EEA1: variants seen among roughly 807,000 people sequenced by gnomAD.
EEA1 encodes the protein early endosome antigen 1, also known as early endosome antigen 1, 162kD.
EEA1 carries 111 observed loss-of-function variants against 209.2 expected under a neutral mutation model. The ratio of observed to expected loss-of-function variants is 0.53; its 90% CI spans 0.45 to 0.62. The LOEUF is 0.62. Among genes scored for constraint, EEA1 ranks in the 20% least tolerant of loss-of-function variants. The pLI, the probability that EEA1 is intolerant of heterozygous loss-of-function variation, is 0.00. For synonymous variants in EEA1, 536 were observed against 540.6 expected (o/e 0.99, Z 0.12); for missense variants, 1,343 against 1,530.8 (o/e 0.88, Z 2.05).
intron 2 of EEA1, among the ~76,000 whole-genome samples, chr12:92,876,515 T>C (rs1592751461): frequency 6.6e-6 from 1 of 152,188 alleles, no homozygotes; most frequent in South Asian, 2.1e-4. Context: ...GATAAGACCC[T>C]ATCTATGAAC....
chr12:92,809,311 G>C (rs947499389), intron 17 of EEA1, among the ~76,000 whole-genome samples, 155 bp from the exon 18 acceptor site: 3 of 151,598 alleles, frequency 2.0e-5, no homozygotes, highest in Admixed American at 2.0e-4. Context: ...ATTACTAAGG[G>C]TGTTATTTAT....
At chr12:92,820,512 T>G (rs1875997165) in intron 13 of EEA1, among the ~76,000 whole-genome samples, 1 of 152,076 alleles carries the variant, frequency 6.6e-6, no homozygotes, top group Admixed American at 6.6e-5. Context: ...ATTCCACTAA[T>G]CTGGAATCAG....
At chr12:92,841,822 T>C (rs1877173794) in intron 10 of EEA1, among the ~76,000 whole-genome samples, 1 of 152,184 alleles carries the variant, frequency 6.6e-6, no homozygotes, top group Non-Finnish European at 1.5e-5. Context: ...AGTATGGCAG[T>C]TCCTCAAATA....
At chr12:92,806,817 A>C (rs1875227964) in intron 18 of EEA1, among the ~76,000 whole-genome samples, 1 of 152,236 alleles carries the variant, frequency 6.6e-6, no homozygotes, top group Admixed American at 6.5e-5. Context: ...GTTTAACAGT[A>C]AATCAATCAA....
chr12:92,878,421 A>G (rs571585027), intron 2 of EEA1, among the ~76,000 whole-genome samples: 1 of 152,224 alleles, frequency 6.6e-6, no homozygotes, highest in Non-Finnish European at 1.5e-5. Flanking sequence ...CTGAGCTTCA[A>G]TATCTGAGAT....
intron 4 of EEA1, 24 bp from the exon 5 acceptor site, chr12:92,857,364 G>A: frequency 1.3e-6 from 2 of 1,559,662 alleles, no homozygotes; most frequent in Non-Finnish European, 1.7e-6. Flanking sequence ...TTTTTAATTA[G>A]TAAATTTAAA....
At chr12:92,847,201 C>A (rs932206798) in intron 9 of EEA1, among the ~76,000 whole-genome samples, 6 of 152,054 alleles carry the variant, frequency 3.9e-5, no homozygotes, top group Non-Finnish European at 4.4e-5. Context: ...GGTGATCCAC[C>A]GCCTGGGCCT....
At position 92,923,074 on chromosome 12, in the gene EEA1, G is replaced by A. The variant is rs188596522; in HGVS notation, c.24+5969C>T. Among the ~76,000 whole-genome samples the A allele has an allele frequency of 2.8e-4, 42 of 152,196 alleles. 1 individual carries two copies. The Middle Eastern group carries it at 0.02, about 74-fold the overall frequency. ...TAACTTTAAAATTCTCTGGCCGGGC[G>A]CGGTGGCTCACGCCTGTAATCCCAG... On this transcript the variant is annotated intron_variant, in intron 1 of 28. Transcript: ENST00000322349.
intron 1 of EEA1, among the ~76,000 whole-genome samples, chr12:92,906,997 A>G (rs188358258): frequency 1.3e-5 from 2 of 152,312 alleles, no homozygotes; most frequent in Admixed American, 1.3e-4. Flanking sequence ...TACTAAATGG[A>G]TAGACAAAGG....
In EEA1 at chr12:92,775,895, T is replaced by C; in HGVS notation, c.*116A>G. Reference sequence around the variant, plus strand: ...ACATTCCAAAATATACTAATTCCTATTTGGTCTAGTATTGCAACCAGTGTC... The same window carrying C: ...ACATTCCAAAATATACTAATTCCTACTTGGTCTAGTATTGCAACCAGTGTC... On this transcript the variant is annotated 3_prime_UTR_variant, in exon 29 of 29. Transcript: ENST00000322349. The C allele has an allele frequency of 9.9e-7, 1 of 1,013,022 alleles. No homozygotes were observed. The highest frequency in any genetic ancestry group is 1.4e-6 in the Non-Finnish European group (1 of 739,308). 62.8% of individuals were successfully genotyped at this position (1,013,022 alleles called of 1,614,324 possible).
chr12:92,854,449 C>T (rs1877777118), intron 5 of EEA1, among the ~76,000 whole-genome samples: 1 of 152,160 alleles, frequency 6.6e-6, no homozygotes, highest in African/African-American at 2.4e-5. Context: ...TGTTAGACCC[C>T]ATATGTGAGA....
chr12:92,833,501 C>A (rs530156611), intron 10 of EEA1, among the ~76,000 whole-genome samples: 1 of 152,110 alleles, frequency 6.6e-6, no homozygotes, highest in East Asian at 1.9e-4. Flanking sequence ...ATCAACCAAC[C>A]TAATCTAATG....
At chr12:92,872,278 AC>A (rs1291357250) in intron 2 of EEA1, among the ~76,000 whole-genome samples, 2 of 151,924 alleles carry the variant, frequency 1.3e-5, no homozygotes, top group African/African-American at 2.4e-5. Context: ...CCAACTCCTA[AC>A]CTGAGAAGAT....
chr12:92,832,043 C>G (rs973985441), intron 11 of EEA1, among the ~76,000 whole-genome samples: 1 of 149,240 alleles, frequency 6.7e-6, no homozygotes, highest in Admixed American at 6.7e-5. Context: ...GCCGAGATTG[C>G]GCCACTGCAG....
At chr12:92,777,780 T>C in intron 26 of EEA1, 117 bp from the exon 27 acceptor site, 2 of 1,278,504 alleles carry the variant, frequency 1.6e-6, no homozygotes, top group Non-Finnish European at 2.1e-6. Context: ...TAATTTTGAC[T>C]ATCTGATTGT....
intron 1 of EEA1, among the ~76,000 whole-genome samples, chr12:92,902,185 C>T (rs1039765328): frequency 6.6e-6 from 1 of 151,876 alleles, no homozygotes; most frequent in African/African-American, 2.4e-5. Context: ...CAGAGTAAGA[C>T]CTTGTCTCCA....
intron 13 of EEA1, among the ~76,000 whole-genome samples, chr12:92,823,957 A>G (rs1475520563): frequency 6.6e-6 from 1 of 152,224 alleles, no homozygotes; most frequent in Non-Finnish European, 1.5e-5. Context: ...CCTTTACAAT[A>G]AAGCTCCTAG....
intron 21 of EEA1, among the ~76,000 whole-genome samples, chr12:92,789,226 G>A (rs111436177): frequency 0.019 from 2,787 of 149,990 alleles, 95 homozygotes; most frequent in African/African-American, 0.063. Context: ...GGAGGTGGAT[G>A]TTGCAGTGAG....
chr12:92,777,484 T>C, intron 27 of EEA1, 59 bp downstream of exon 27: 1 of 1,526,712 alleles, frequency 6.6e-7, no homozygotes, highest in Non-Finnish European at 8.8e-7. Context: ...AAAAATATGC[T>C]TTTCACTAAT....
Sources: allele counts gnomAD v4.1 joint callset (sites outside exome capture counted in the v4.1 genomes callset), GRCh38; gene constraint gnomAD v4.1.1; transcripts MANE v1.5; gene names NCBI Gene and HGNC (gene_info 2026-07-23, HGNC 2026-07-21).